The following CCN2 variants were observed in gnomAD, a reference collection of about 807,000 sequenced individuals.
The protein encoded by CCN2 is cellular communication network factor 2, also known as CCN family member 2.
Under a neutral mutation model 33.2 loss-of-function variants are expected in CCN2, and 22 were observed. The observed-to-expected ratio is 0.66, with a 90% confidence interval of 0.47 to 0.95. The LOEUF (loss-of-function observed/expected upper bound fraction) is 0.95, where lower values mean the gene tolerates loss of function less well. CCN2 is among the 40% of genes least tolerant of loss of function. The probability of loss-of-function intolerance (pLI) is 0.00; values close to 1 mark genes in which losing one functional copy is unlikely to be tolerated. For missense variants in CCN2, 469 were observed against 498.8 expected, an observed-to-expected ratio of 0.94 and a Z score of 0.57; for synonymous variants, 178 against 200.6, an observed-to-expected ratio of 0.89 and a Z score of 0.95.
In CCN2 at chr6:131,949,097, T is replaced by C; in HGVS notation, c.*167A>G. 1 of 646,182 alleles carries C rather than the reference T, an allele frequency of 1.5e-6. No individual in the cohort carries two copies. The highest frequency in any genetic ancestry group is 1.9e-5 in the South Asian group (1 of 52,910). The allele number at this position is 646,182 out of a possible 1,614,324, so 40.0% of individuals were successfully genotyped here. A position where few individuals can be genotyped will look rare whatever the true frequency, so the allele number is the denominator to read the frequency against. On this transcript the variant is annotated 3_prime_UTR_variant, in exon 5 of 5. Coordinates refer to ENST00000367976, the MANE Select transcript of CCN2 (RefSeq NM_001901.4). The stretch of plus-strand genomic sequence containing the variant: ...AAACCAGTGTCTGGGGTTGATAGAC[T>C]ATTTGTTTGACATGGCACAATGTTT...
chr6:131,949,523 T>C lies in CCN2; in HGVS notation c.791A>G (p.Lys264Arg). 6.2e-7 allele frequency: 1 copy of C among 1,613,690 alleles called. No homozygotes were observed. Among genetic ancestry groups the C allele is most frequent in the Non-Finnish European group, 8.5e-7 (1 of 1,179,806 alleles). The stretch of plus-strand genomic sequence containing the variant: ...GCCAGAAAGCTCAAACTTGATAGGC[T>C]TGGAGATTTTGGGAGTACGGATGCA... ...KKCIRTPKIS[K>R]PIKFELSGCT... The change falls in exon 5 of 5, where the codon AAG (lysine) becomes AGG (arginine). Residue 264 changes from lysine to arginine, a missense_variant. By Grantham distance (26) the Lys-to-Arg change is conservative. Coordinates refer to ENST00000367976, the MANE Select transcript of CCN2 (RefSeq NM_001901.4).
intron 1 of CCN2, 34 bp downstream of exon 1, chr6:131,951,073 G>A (rs1783102976): frequency 7.7e-7 from 1 of 1,290,908 alleles, no homozygotes; most frequent in Non-Finnish European, 9.8e-7. Context: ...CTCCCTGGCA[G>A]CCGCCGGCCG....
chr6:131,950,501 C>A lies in CCN2; in HGVS notation c.332G>T (p.Arg111Leu). Reference sequence around the variant, plus strand: ...GCTGCTCTGGAAGGACTCTCCGCTGCGGTACACCGTACCACCGAAGATGCA... The same window carrying A: ...GCTGCTCTGGAAGGACTCTCCGCTGAGGTACACCGTACCACCGAAGATGCA... Reference protein sequence around the residue: ...APCIFGGTVYRSGESFQSSCK... With the variant: ...APCIFGGTVYLSGESFQSSCK... The change falls in exon 3 of 5, where the codon CGC becomes CTC. Residue 111 changes from arginine (R) to leucine (L), a missense_variant. Coordinates refer to ENST00000367976, the MANE Select transcript of CCN2 (RefSeq NM_001901.4). This position sits in a 1 kb window ranked among gnomAD's most constrained non-coding sequence, Gnocchi z 7.1. The A allele has an allele frequency of 6.2e-7, 1 of 1,613,722 alleles. No homozygotes were observed. The highest frequency in any genetic ancestry group is 8.5e-7 in the Non-Finnish European group (1 of 1,179,998).
chr6:131,951,238 G>T lies in CCN2; in HGVS notation c.-66C>A. ...AGCGGGGAGCGGCGGGGCCTGGAGC[G>T]CTGGCGGTGGTCGGAGGTGGGGACC... On this transcript the variant is annotated 5_prime_UTR_variant, in exon 1 of 5. Coordinates refer to ENST00000367976, the MANE Select transcript of CCN2 (RefSeq NM_001901.4). The T allele has an allele frequency of 1.6e-6, 2 of 1,230,060 alleles. No individual in the cohort carries two copies. The highest frequency in any genetic ancestry group is 1.0e-6 in the Non-Finnish European group (1 of 982,578). The allele number at this position is 1,230,060 out of a possible 1,614,324, so 76.2% of individuals were successfully genotyped here. A position where few individuals can be genotyped will look rare whatever the true frequency, so the allele number is the denominator to read the frequency against.
At position 131,950,945 on chromosome 6, in the gene CCN2, C is replaced by G. The variant is rs1783100408; in HGVS notation, c.114G>C (p.Glu38Asp). 8 of 1,403,506 alleles carry G rather than the reference C, an allele frequency of 5.7e-6. No homozygotes were observed. Among genetic ancestry groups the G allele is most frequent in the African/African-American group, 1.5e-5 (1 of 65,764 alleles). The allele number at this position is 1,403,506 out of a possible 1,614,324, so 86.9% of individuals were successfully genotyped here. ...NCSGPCRCPD[E>D]PAPRCPAGVS... ...CGCCCGCCGGGCAGCGCGGCGCCGG[C>G]TCGTCCGGGCACCGGCACGGCCCGC... The change falls in exon 2 of 5, where the codon GAG (glutamate) becomes GAC (aspartate). Residue 38 changes from glutamate (E) to aspartate (D), a missense_variant. By Grantham distance (45) the Glu-to-Asp change is conservative. Transcript: ENST00000367976. The surrounding 1 kb of genome is among the most constrained non-coding windows in gnomAD (Gnocchi z 7.1).
Position 131,951,128 on chromosome 6 carries a change from G to T in CCN2, c.45C>A (p.Val15=). 7.4e-7 allele frequency: 1 copy of T among 1,345,612 alleles called. No homozygotes were observed. Among genetic ancestry groups the T allele is most frequent in the Non-Finnish European group, 9.6e-7 (1 of 1,046,400 alleles). The allele number at this position is 1,345,612 out of a possible 1,614,324, so 83.4% of individuals were successfully genotyped here. A position where few individuals can be genotyped will look rare whatever the true frequency, so the allele number is the denominator to read the frequency against. Residue 15 remains valine, a synonymous_variant, in exon 1 of 5, where the codon GTC becomes GTA. Coordinates refer to ENST00000367976, the MANE Select transcript of CCN2 (RefSeq NM_001901.4). ...SMGPVRVAFV[V]LLALCSRPAV... is the part of the protein sequence containing the mutation. ...TTACCCGGCTGCAGAGGGCGAGGAG[G>T]ACCACGAAGGCGACGCGGACGGGGC...
Position 131,949,325 on chromosome 6 carries a change from G to A in CCN2, c.989C>T (p.Pro330Leu), listed in dbSNP as rs1783064313. Residue 330 changes from proline (P) to leucine (L), a missense_variant, in exon 5 of 5, where the codon CCC becomes CTC. Pro to Leu is a moderately conservative substitution (Grantham distance 98). Transcript: ENST00000367976. ...CGATTCAAAGATGTCATTGTCTCCGGGACAGTTGTAATGGCAGGCACAGGT... is the reference window on the plus strand; with the variant it reads ...CGATTCAAAGATGTCATTGTCTCCGAGACAGTTGTAATGGCAGGCACAGGT... ...IKTCACHYNC[P>L]GDNDIFESLY... 3 of 1,614,004 alleles carry A rather than the reference G, an allele frequency of 1.9e-6. No individual in the cohort carries two copies. Among genetic ancestry groups the A allele is most frequent in the African/African-American group, 1.3e-5 (1 of 74,896 alleles).
intron 4 of CCN2, 66 bp downstream of exon 4, chr6:131,949,883 G>A (rs1044868175): frequency 2.7e-6 from 4 of 1,472,966 alleles, no homozygotes; most frequent in Middle Eastern, 2.0e-4. Context: ...CGTGGCAAGA[G>A]CCCTAAGTTG....
chr6:131,951,339 G>C lies in CCN2; in HGVS notation c.-167C>G, dbSNP rs929701868. ...CGAGCTGGAGGGTGGAGTCGCACTGGCTGTCTCCTCTCAGCGGGGAAGAGT... is the reference window on the plus strand; with the variant it reads ...CGAGCTGGAGGGTGGAGTCGCACTGCCTGTCTCCTCTCAGCGGGGAAGAGT... On this transcript the variant is annotated 5_prime_UTR_variant, in exon 1 of 5. Coordinates refer to ENST00000367976, the MANE Select transcript of CCN2 (RefSeq NM_001901.4). 5.3e-5 allele frequency: 25 copies of C among 473,952 alleles called. No homozygotes were observed. Among genetic ancestry groups the C allele is most frequent in the Non-Finnish European group, 7.6e-5 (23 of 302,650 alleles). 29.4% of individuals were successfully genotyped at this position (473,952 alleles called of 1,614,324 possible).
rs1000584692 is a variant in CCN2 at position 131,951,347 on chromosome 6, C to T, written c.-175G>A. On this transcript the variant is annotated 5_prime_UTR_variant, in exon 1 of 5. Transcript: ENST00000367976. ...AGGGTGGAGTCGCACTGGCTGTCTC[C>T]TCTCAGCGGGGAAGAGTTGTTGTGT... 1.1e-5 allele frequency: 5 copies of T among 456,310 alleles called. No individual in the cohort carries two copies. Among genetic ancestry groups the T allele is most frequent in the Non-Finnish European group, 1.4e-5 (4 of 286,692 alleles). 28.3% of individuals were successfully genotyped at this position (456,310 alleles called of 1,614,324 possible). A position where few individuals can be genotyped will look rare whatever the true frequency, so the allele number is the denominator to read the frequency against.
Position 131,950,877 on chromosome 6 carries a change from G to GCGCAGACGCGGCAGCAGC in CCN2, c.164_181dup (p.Gly55_Cys60dup). 1 of 1,531,324 alleles carries GCGCAGACGCGGCAGCAGC rather than the reference G, an allele frequency of 6.5e-7. No homozygotes were observed. The highest frequency in any genetic ancestry group is 8.7e-7 in the Non-Finnish European group (1 of 1,145,756). 94.9% of individuals were successfully genotyped at this position (1,531,324 alleles called of 1,614,324 possible). ...GGTGCACAGCTCGCCCAGCTGCTTG[G>GCGCAGACGCGGCAGCAGC]CGCAGACGCGGCAGCAGCCGCAGCC... is the stretch of plus-strand genomic sequence containing the variant. On this transcript the variant is annotated inframe_insertion, in exon 2 of 5. Coordinates refer to ENST00000367976, the MANE Select transcript of CCN2 (RefSeq NM_001901.4). This position sits in a 1 kb window ranked among gnomAD's most constrained non-coding sequence, Gnocchi z 7.1.
In CCN2 at chr6:131,951,319, T is replaced by G. The variant is rs949274094; in HGVS notation, c.-147A>C. 1 of 577,150 alleles carries G rather than the reference T, an allele frequency of 1.7e-6. No individual in the cohort carries two copies. Among genetic ancestry groups the G allele is most frequent in the Non-Finnish European group, 2.5e-6 (1 of 396,626 alleles). 35.8% of individuals were successfully genotyped at this position (577,150 alleles called of 1,614,324 possible). On this transcript the variant is annotated 5_prime_UTR_variant, in exon 1 of 5. Transcript: ENST00000367976. ...TCGGCCGGGGCGGCTGCCGTCGAGC[T>G]GGAGGGTGGAGTCGCACTGGCTGTC...
In CCN2 at chr6:131,950,755, G is replaced by C. The variant is rs2114783826; in HGVS notation, c.289+15C>G. On this transcript the variant is annotated intron_variant, in intron 2 of 4. Coordinates refer to ENST00000367976, the MANE Select transcript of CCN2 (RefSeq NM_001901.4). The surrounding 1 kb of genome is among the most constrained non-coding windows in gnomAD (Gnocchi z 7.1). ...AGGCGGCCGGACACCTAGCGGTGGG[G>C]GCTGCGGGTCTTACCGGTGCACACG... The C allele has an allele frequency of 6.5e-7, 1 of 1,531,512 alleles. No homozygotes were observed. The highest frequency in any genetic ancestry group is 2.1e-4 in the Middle Eastern group (1 of 4,746). The allele number at this position is 1,531,512 out of a possible 1,614,324, so 94.9% of individuals were successfully genotyped here. A position where few individuals can be genotyped will look rare whatever the true frequency, so the allele number is the denominator to read the frequency against.
At chr6:131,949,610 T>G in intron 4 of CCN2, 50 bp from the exon 5 acceptor site, 1 of 1,490,282 alleles carries the variant, frequency 6.7e-7, no homozygotes, top group Non-Finnish European at 9.3e-7. Flanking sequence ...TCAGCGACTC[T>G]ACAAGAGGAG....
Position 131,950,173 on chromosome 6 carries a change from A to G in CCN2, c.542-13T>C. The G allele has an allele frequency of 6.2e-7, 1 of 1,614,200 alleles. No homozygotes were observed. Among genetic ancestry groups the G allele is most frequent in the South Asian group, 1.1e-5 (1 of 91,086 alleles). On this transcript the variant is annotated splice_polypyrimidine_tract_variant and intron_variant, in intron 3 of 4. Coordinates refer to ENST00000367976, the MANE Select transcript of CCN2 (RefSeq NM_001901.4). The surrounding 1 kb of genome is among the most constrained non-coding windows in gnomAD (Gnocchi z 7.1). Reference sequence around the variant, plus strand: ...TCCAGTCGGTAAGCTGCGAGAGCAGAGCACACAAACACCATGTAAAACGCC... The same window carrying G: ...TCCAGTCGGTAAGCTGCGAGAGCAGGGCACACAAACACCATGTAAAACGCC...
At position 131,950,444 on chromosome 6, in the gene CCN2, G is replaced by A; in HGVS notation, c.389C>T (p.Ala130Val). ...GCTGCACAGGGGCATGCAGCCCACC[G>A]CCCCGTCCAGGCACGTGCACTGGTA... The part of the protein sequence containing the change: ...CKYQCTCLDG[A>V]VGCMPLCSMD... Residue 130 changes from alanine (A) to valine (V), a missense_variant, in exon 3 of 5, where the codon GCG becomes GTG. Coordinates refer to ENST00000367976, the MANE Select transcript of CCN2 (RefSeq NM_001901.4). The surrounding 1 kb of genome is among the most constrained non-coding windows in gnomAD (Gnocchi z 7.1). 6.2e-7 allele frequency: 1 copy of A among 1,614,030 alleles called. No individual in the cohort carries two copies. The highest frequency in any genetic ancestry group is 8.5e-7 in the Non-Finnish European group (1 of 1,180,046).
chr6:131,949,887 T>C, intron 4 of CCN2, 62 bp downstream of exon 4: 3 of 1,517,804 alleles, frequency 2.0e-6, no homozygotes, highest in South Asian at 2.4e-5. Context: ...GCAAGAGCCC[T>C]AAGTTGGGTC....
At position 131,950,969 on chromosome 6, in the gene CCN2, G is replaced by T. The variant is rs375793270; in HGVS notation, c.90C>A (p.Ser30Arg). The T allele has an allele frequency of 1.7e-5, 23 of 1,347,486 alleles. No homozygotes were observed. The highest frequency in any genetic ancestry group is 1.6e-4 in the East Asian group (5 of 31,756). 83.5% of individuals were successfully genotyped at this position (1,347,486 alleles called of 1,614,324 possible). A position where few individuals can be genotyped will look rare whatever the true frequency, so the allele number is the denominator to read the frequency against. The change falls in exon 2 of 5, where the codon AGC becomes AGA. Residue 30 changes from serine (S) to arginine (R), a missense_variant. Transcript: ENST00000367976. The surrounding 1 kb of genome is among the most constrained non-coding windows in gnomAD (Gnocchi z 7.1). ...GCTCGTCCGGGCACCGGCACGGCCC[G>T]CTGCAGTTCTGGCCGACGGCCGGCT... is the stretch of plus-strand genomic sequence containing the variant. ...CSRPAVGQNC[S>R]GPCRCPDEPA... is the part of the protein sequence containing the mutation.
rs760652701 is a variant in CCN2 at position 131,950,189 on chromosome 6, G to C, written c.542-29C>G. Reference sequence around the variant, plus strand: ...CGAGAGCAGAGCACACAAACACCATGTAAAACGCCTGGATAAGGTATTTCC... The same window carrying C: ...CGAGAGCAGAGCACACAAACACCATCTAAAACGCCTGGATAAGGTATTTCC... On this transcript the variant is annotated intron_variant, in intron 3 of 4. Coordinates refer to ENST00000367976, the MANE Select transcript of CCN2 (RefSeq NM_001901.4). This position sits in a 1 kb window ranked among gnomAD's most constrained non-coding sequence, Gnocchi z 7.1. 7 of 1,613,824 alleles carry C rather than the reference G, an allele frequency of 4.3e-6. No homozygotes were observed. Among genetic ancestry groups the C allele is most frequent in the Non-Finnish European group, 5.9e-6 (7 of 1,179,744 alleles).
Sources: allele counts gnomAD v4.1 joint callset, GRCh38; gene constraint gnomAD v4.1.1; non-coding constraint Gnocchi (gnomAD v3.1); transcripts MANE v1.5; gene names NCBI Gene and HGNC (gene_info 2026-07-23, HGNC 2026-07-21).